The following WIPF2 variants were observed in gnomAD, a reference collection of about 807,000 sequenced individuals.
WIPF2 encodes the protein WAS/WASL-interacting protein family member 2.
A neutral mutation model predicts 38.8 loss-of-function variants in WIPF2; 23 were observed. The ratio of observed to expected loss-of-function variants is 0.59; its 90% CI spans 0.43 to 0.84. The LOEUF is 0.84. Ranked by LOEUF, WIPF2 falls within the 40% of genes least tolerant of loss-of-function variation. The probability of loss-of-function intolerance (pLI) is 0.00; values close to 1 mark genes in which losing one functional copy is unlikely to be tolerated. For missense variants in WIPF2, 574 were observed against 580.5 expected, an observed-to-expected ratio of 0.99 and a Z score of 0.11; for synonymous variants, 210 against 223.2, an observed-to-expected ratio of 0.94 and a Z score of 0.53.
intron 6 of WIPF2, among the ~76,000 whole-genome samples, chr17:40,275,900 C>T (rs536818860): frequency 2.0e-5 from 3 of 152,294 alleles, no homozygotes; most frequent in African/African-American, 7.2e-5. Flanking sequence ...TCCTTACCTA[C>T]CCACTGTCCT....
At chr17:40,234,248 T>G (rs1187588803) in intron 1 of WIPF2, among the ~76,000 whole-genome samples, 2 of 151,470 alleles carry the variant, frequency 1.3e-5, no homozygotes, top group African/African-American at 4.9e-5. Context: ...GTGCCTGTAG[T>G]CCCAGCTACT....
chr17:40,246,742 G>A (rs1224434995), intron 1 of WIPF2, among the ~76,000 whole-genome samples: 1 of 152,080 alleles, frequency 6.6e-6, no homozygotes, highest in Non-Finnish European at 1.5e-5. Context: ...TTCAGCAAGT[G>A]ACTGCTGAGC....
chr17:40,278,359 A>C lies in WIPF2; in HGVS notation c.*134A>C. ...AATGCAATCAAGCCCTAGACTCCAA[A>C]TGTCCTCCCAGCTCACCTCCATCTA... On this transcript the variant is annotated 3_prime_UTR_variant, in exon 8 of 8. Transcript: ENST00000323571. 1 of 1,019,848 alleles carries C rather than the reference A, an allele frequency of 9.8e-7. No homozygotes were observed. The highest frequency in any genetic ancestry group is 1.5e-6 in the Non-Finnish European group (1 of 685,688). The allele number at this position is 1,019,848 out of a possible 1,614,324, so 63.2% of individuals were successfully genotyped here.
intron 1 of WIPF2, among the ~76,000 whole-genome samples, chr17:40,245,679 T>C (rs1450372137): frequency 2.0e-5 from 3 of 152,076 alleles, no homozygotes; most frequent in Non-Finnish European, 2.9e-5. Context: ...GGCTGTCTTA[T>C]GCGTTGGAGG....
In WIPF2 at chr17:40,271,215, A is replaced by G. The variant is rs576025779; in HGVS notation, c.971-2575A>G. On this transcript the variant is annotated intron_variant, in intron 5 of 7. Coordinates refer to ENST00000323571, the MANE Select transcript of WIPF2 (RefSeq NM_133264.5). ...GATCTCGAACTCCTGGCATCAAGCA[A>G]TCTGCCTGCCTCAGCCTCCCAGAGT... Among the ~76,000 whole-genome samples, 6 of 152,314 alleles carry G rather than the reference A, an allele frequency of 3.9e-5. No individual in the cohort carries two copies. In the South Asian group the frequency reaches 1.0e-3, roughly 26 times the overall value.
intron 5 of WIPF2, 175 bp from the exon 6 acceptor site, chr17:40,273,615 T>A: frequency 1.7e-6 from 1 of 577,908 alleles, no homozygotes; most frequent in Non-Finnish European, 3.1e-6. Flanking sequence ...ATACATTTAT[T>A]CTGAATGTTG....
intron 5 of WIPF2, among the ~76,000 whole-genome samples, chr17:40,266,830 T>C (rs1326549503): frequency 6.6e-6 from 1 of 151,996 alleles, no homozygotes; most frequent in East Asian, 1.9e-4. Context: ...ATGTGATCGA[T>C]AGATAAAAAG....
At chr17:40,235,221 G>T (rs1050182339) in intron 1 of WIPF2, among the ~76,000 whole-genome samples, 2 of 152,064 alleles carry the variant, frequency 1.3e-5, no homozygotes, top group South Asian at 4.1e-4. Context: ...AGTGTTGGTA[G>T]AATTTAAACC....
At chr17:40,233,465 A>T (rs2030832411) in intron 1 of WIPF2, among the ~76,000 whole-genome samples, 1 of 151,436 alleles carries the variant, frequency 6.6e-6, no homozygotes, top group Non-Finnish European at 1.5e-5. Context: ...CCATATTTCT[A>T]TATAGTATGT....
At chr17:40,267,372 G>A (rs550558906) in intron 5 of WIPF2, among the ~76,000 whole-genome samples, 1 of 152,140 alleles carries the variant, frequency 6.6e-6, no homozygotes, top group Non-Finnish European at 1.5e-5. Context: ...AAAAAGAAGA[G>A]GTTGTGTAAT....
intron 1 of WIPF2, among the ~76,000 whole-genome samples, chr17:40,237,510 C>T (rs889399732): frequency 2.0e-5 from 3 of 151,984 alleles, no homozygotes; most frequent in African/African-American, 4.8e-5. Context: ...CAAAGTGCTT[C>T]GGATAACAGG....
intron 4 of WIPF2, among the ~76,000 whole-genome samples, chr17:40,264,202 G>A (rs776597090): frequency 2.3e-4 from 34 of 151,008 alleles, no homozygotes; most frequent in Middle Eastern, 3.4e-3. Flanking sequence ...GTGTGGTGGC[G>A]CACACCTGTA....
At chr17:40,252,072 G>A (rs372225150) in intron 1 of WIPF2, among the ~76,000 whole-genome samples, 2 of 152,142 alleles carry the variant, frequency 1.3e-5, no homozygotes. Context: ...TTATAGGCAA[G>A]CGCCACTGAT....
chr17:40,252,307 G>C (rs1207149762), intron 1 of WIPF2, among the ~76,000 whole-genome samples: 1 of 152,178 alleles, frequency 6.6e-6, no homozygotes, highest in Admixed American at 6.6e-5. Context: ...GGACTTGTCT[G>C]AGTCTTTTTT....
At position 40,262,564 on chromosome 17, in the gene WIPF2, C is replaced by T. The variant is rs141184179; in HGVS notation, c.236C>T (p.Ala79Val). 3.3e-4 allele frequency: 538 copies of T among 1,614,046 alleles called. 6 individuals carry two copies. In the African/African-American group the frequency reaches 6.4e-3, roughly 19 times the overall value. ...GSSGGYGSGG[A>V]ALQPKGGLFQ... ...AGTGGTGGCTATGGCTCTGGAGGAG[C>T]TGCCCTGCAGCCCAAGGGAGGTCTC... The change falls in exon 4 of 8, where the codon GCT becomes GTT. Residue 79 changes from alanine to valine, a missense_variant. Coordinates refer to ENST00000323571, the MANE Select transcript of WIPF2 (RefSeq NM_133264.5).
At chr17:40,261,093 G>T (rs1470728017) in intron 3 of WIPF2, among the ~76,000 whole-genome samples, 4 of 151,250 alleles carry the variant, frequency 2.6e-5, no homozygotes, top group Non-Finnish European at 5.9e-5. Context: ...GCTCATCAGG[G>T]TACATCCTTG....
chr17:40,269,537 A>G (rs2145400448), intron 5 of WIPF2, among the ~76,000 whole-genome samples: 1 of 148,528 alleles, frequency 6.7e-6, no homozygotes, highest in South Asian at 2.1e-4. Context: ...AAACCCAAAA[A>G]CTAGCATTAT....
intron 1 of WIPF2, among the ~76,000 whole-genome samples, chr17:40,247,518 C>CTTTT (rs1193614788): frequency 2.2e-5 from 3 of 135,164 alleles, no homozygotes; most frequent in African/African-American, 8.2e-5. Context: ...CGCGCCTGGC[C>CTTTT]TTTTTTTTTT....
chr17:40,264,704 C>T lies in WIPF2; in HGVS notation c.528C>T (p.Ala176=). The T allele has an allele frequency of 6.2e-7, 1 of 1,612,824 alleles. No homozygotes were observed. Among genetic ancestry groups the T allele is most frequent in the Non-Finnish European group, 8.5e-7 (1 of 1,179,416 alleles). The part of the protein sequence containing the change: ...SSTGMKHSSS[A]PPPPPPGRRA... ...CGGGCATGAAGCACAGCTCCTCTGCCCCTCCCCCACCACCCCCAGGGCGGC... is the reference window on the plus strand; with the variant it reads ...CGGGCATGAAGCACAGCTCCTCTGCTCCTCCCCCACCACCCCCAGGGCGGC... The change falls in exon 5 of 8, where the codon GCC becomes GCT. Residue 176 remains alanine, a synonymous_variant. Coordinates refer to ENST00000323571, the MANE Select transcript of WIPF2 (RefSeq NM_133264.5).
Sources: allele counts gnomAD v4.1 joint callset (sites outside exome capture counted in the v4.1 genomes callset), GRCh38; gene constraint gnomAD v4.1.1; transcripts MANE v1.5; gene names NCBI Gene and HGNC (gene_info 2026-07-23, HGNC 2026-07-21).